Variants in RABGAP1 observed in about 807,000 individuals in gnomAD.
RABGAP1 encodes the protein RAB GTPase activating protein 1.
A neutral mutation model predicts 137.6 loss-of-function variants in RABGAP1; 23 were observed. The observed-to-expected ratio is 0.17, with a 90% CI of 0.12 to 0.24. RABGAP1 has a LOEUF of 0.24. RABGAP1 is among the 10% of genes least tolerant of loss of function. The probability of loss-of-function intolerance (pLI) is 1.00; values close to 1 mark genes in which losing one functional copy is unlikely to be tolerated. For missense variants in RABGAP1, 906 were observed against 1,275.8 expected, an observed-to-expected ratio of 0.71 and a Z score of 4.42; for synonymous variants, 451 against 450.7, an observed-to-expected ratio of 1.00 and a Z score of -0.01.
At chr9:123,008,457 A>T (rs898804412) in intron 10 of RABGAP1, among the ~76,000 whole-genome samples, 1 of 151,324 alleles carries the variant, frequency 6.6e-6, no homozygotes, top group Non-Finnish European at 1.5e-5. Context: ...AGACAGGAGA[A>T]TCGCTTGAAC....
At chr9:123,045,791 T>A (rs2033178957) in intron 13 of RABGAP1, among the ~76,000 whole-genome samples, 1 of 152,190 alleles carries the variant, frequency 6.6e-6, no homozygotes, top group Non-Finnish European at 1.5e-5. Context: ...TTGGAGTCTT[T>A]GGCCCTTGGT....
intron 2 of RABGAP1, among the ~76,000 whole-genome samples, chr9:122,982,077 A>G (rs893687058): frequency 1.2e-4 from 19 of 152,022 alleles, no homozygotes; most frequent in Non-Finnish European, 2.4e-4. Context: ...TATGTGTACT[A>G]TACTGTCACA....
intron 1 of RABGAP1, among the ~76,000 whole-genome samples, chr9:122,944,717 C>T (rs1209755052): frequency 3.3e-5 from 5 of 151,538 alleles, no homozygotes; most frequent in East Asian, 1.9e-4. Context: ...ACTACAGGCG[C>T]GCACCACCAC....
the RABGAP1 span, among the ~76,000 whole-genome samples, chr9:122,933,301 G>A: frequency 6.6e-6 from 1 of 151,690 alleles, no homozygotes; most frequent in South Asian, 2.1e-4. Flanking sequence ...TAATCTTGTT[G>A]TAATGAGCCT....
chr9:122,990,832 T>C (rs1252923487), intron 6 of RABGAP1: 2 of 117,154 alleles, frequency 1.7e-5, no homozygotes, highest in East Asian at 5.4e-4. Flanking sequence ...TATATATATA[T>C]ATATGGCCAA....
intron 21 of RABGAP1, among the ~76,000 whole-genome samples, chr9:123,096,820 T>A (rs1442093690): frequency 6.6e-6 from 1 of 152,180 alleles, no homozygotes; most frequent in Non-Finnish European, 1.5e-5. Flanking sequence ...TCTGCCCACC[T>A]TGGCCTCCCA....
rs929112403 is a variant in RABGAP1, at chr9:123,070,151, T to C, written c.1909-199T>C. Among the ~76,000 whole-genome samples the C allele has an allele frequency of 6.6e-6, 1 of 152,080 alleles. No homozygotes were observed. Among genetic ancestry groups the C allele is most frequent in the African/African-American group, 2.4e-5 (1 of 41,422 alleles). On this transcript the variant is annotated intron_variant, in intron 14 of 25. Coordinates refer to ENST00000373647, the MANE Select transcript of RABGAP1 (RefSeq NM_012197.4). The surrounding 1 kb of genome is among the most constrained non-coding windows in gnomAD (Gnocchi z 4.4). Reference sequence around the variant, plus strand: ...TTCCCTACTCCTTCGCCACAGGAAATGCAGTGGTGATAGCTGTATTCATTG... The same window carrying C: ...TTCCCTACTCCTTCGCCACAGGAAACGCAGTGGTGATAGCTGTATTCATTG...
In RABGAP1 at chr9:123,074,190, A is replaced by G. The variant is rs2034444559; in HGVS notation, c.2110-95A>G. ...ATTTTTAGAAAAACACAAGTATTTTACTTTTTTGGCCTATTCCTGGTAGAT... is the reference window on the plus strand; with the variant it reads ...ATTTTTAGAAAAACACAAGTATTTTGCTTTTTTGGCCTATTCCTGGTAGAT... On this transcript the variant is annotated intron_variant, in intron 16 of 25. Coordinates refer to ENST00000373647, the MANE Select transcript of RABGAP1 (RefSeq NM_012197.4). The G allele has an allele frequency of 4.2e-6, 6 of 1,432,538 alleles. No homozygotes were observed. In the Admixed American group the frequency reaches 1.3e-4, roughly 30 times the overall value. 88.7% of individuals were successfully genotyped at this position (1,432,538 alleles called of 1,614,324 possible). A position where few individuals can be genotyped will look rare whatever the true frequency, so the allele number is the denominator to read the frequency against.
chr9:122,973,915 C>T (rs1257171526), intron 2 of RABGAP1, among the ~76,000 whole-genome samples: 1 of 151,712 alleles, frequency 6.6e-6, no homozygotes, highest in Non-Finnish European at 1.5e-5. Context: ...GAGGCTGAGG[C>T]AGGAGAATTG....
chr9:123,022,724 T>C (rs10760265), intron 13 of RABGAP1, among the ~76,000 whole-genome samples: 33,515 of 151,956 alleles, frequency 0.22, 5,221 homozygotes, highest in East Asian at 0.65. Flanking sequence ...TTTTAATGAA[T>C]ATATATTAAT....
chr9:123,067,695 G>C (rs1303615035), intron 14 of RABGAP1, among the ~76,000 whole-genome samples: 1 of 152,168 alleles, frequency 6.6e-6, no homozygotes, highest in East Asian at 1.9e-4. Flanking sequence ...GTAGCACTTG[G>C]CACAGTGCTT....
intron 6 of RABGAP1, among the ~76,000 whole-genome samples, chr9:122,995,527 T>G (rs896998728): frequency 1.3e-5 from 2 of 152,010 alleles, no homozygotes; most frequent in African/African-American, 4.8e-5. Context: ...TTTTTTAGCT[T>G]TATAAATGCT....
chr9:122,983,038 TTG>T (rs939184303), intron 2 of RABGAP1, among the ~76,000 whole-genome samples: 122 of 152,100 alleles, frequency 8.0e-4, no homozygotes, highest in African/African-American at 2.8e-3. Flanking sequence ...CGGCTAATTT[TTG>T]TGTTTTTGGT....
intron 1 of RABGAP1, among the ~76,000 whole-genome samples, chr9:122,946,756 T>C (rs1833971026): frequency 6.6e-6 from 1 of 152,206 alleles, no homozygotes; most frequent in Non-Finnish European, 1.5e-5. Context: ...TCCTGAAATA[T>C]CCATGGGAAC....
At chr9:123,007,709 C>T (rs2030424686) in intron 10 of RABGAP1, among the ~76,000 whole-genome samples, 1 of 151,080 alleles carries the variant, frequency 6.6e-6, no homozygotes, top group African/African-American at 2.4e-5. Flanking sequence ...AGCCATCATG[C>T]CTGGCCACTG....
intron 19 of RABGAP1, 62 bp from the exon 20 acceptor site, chr9:123,089,696 A>G: frequency 1.6e-6 from 2 of 1,283,522 alleles, no homozygotes; most frequent in Non-Finnish European, 2.2e-6. Context: ...TCTTCAGTGC[A>G]GGCACTGAAG....
rs59639446 is a variant in RABGAP1 at position 123,047,919 on chromosome 9, G to GTTTTTTTTTTTTTTT, written c.1795-17407_1795-17393dup. The stretch of plus-strand genomic sequence containing the variant: ...TATCTAGCCATTTTACAGCTGCTGG[G>GTTTTTTTTTTTTTTT]TTTTTTTTTTTTTTTTTTTTTTTTT... On this transcript the variant is annotated intron_variant, in intron 13 of 25. Coordinates refer to ENST00000373647, the MANE Select transcript of RABGAP1 (RefSeq NM_012197.4). Among the ~76,000 whole-genome samples, 14 of 62,282 alleles carry GTTTTTTTTTTTTTTT rather than the reference G, an allele frequency of 2.2e-4. 3 individuals carry two copies. Among genetic ancestry groups the GTTTTTTTTTTTTTTT allele is most frequent in the Non-Finnish European group, 4.6e-4 (13 of 28,026 alleles). 40.9% of individuals were successfully genotyped at this position (62,282 alleles called of 152,430 possible).
At chr9:123,083,794 G>C (rs1018907959) in intron 19 of RABGAP1, among the ~76,000 whole-genome samples, 6 of 152,190 alleles carry the variant, frequency 3.9e-5, no homozygotes, top group African/African-American at 1.4e-4. Flanking sequence ...GGTTGTGACA[G>C]AATAAGATGA....
intron 6 of RABGAP1, among the ~76,000 whole-genome samples, chr9:122,991,585 G>T (rs1486885078): frequency 6.6e-6 from 1 of 150,616 alleles, no homozygotes; most frequent in Admixed American, 6.6e-5. Context: ...TAATTAGATA[G>T]ATTTCTATTC....
Sources: gnomAD v4.1 joint callset for allele counts (sites outside exome capture counted in the v4.1 genomes callset) on GRCh38, gnomAD v4.1.1 for gene constraint, Gnocchi (gnomAD v3.1) non-coding constraint, MANE v1.5 for transcripts, NCBI Gene and HGNC (gene_info 2026-07-23, HGNC 2026-07-21) for gene names.